TTK: variants seen among roughly 807,000 people sequenced by gnomAD.
TTK encodes dual specificity protein kinase TTK.
TTK carries 59 observed loss-of-function variants against 117.3 expected under a neutral mutation model. The observed-to-expected ratio is 0.50, with a 90% CI of 0.41 to 0.62. TTK has a LOEUF of 0.62. Among genes scored for constraint, TTK ranks in the 20% least tolerant of loss-of-function variants. TTK has a pLI of 0.00. For synonymous variants in TTK, 302 were observed against 325.0 expected (o/e 0.93, Z 0.76); for missense variants, 921 against 989.4 (o/e 0.93, Z 0.93).
chr6:80,034,536 G>A (rs991567354), intron 14 of TTK, among the ~76,000 whole-genome samples: 4 of 151,986 alleles, frequency 2.6e-5, no homozygotes, highest in African/African-American at 7.3e-5. Context: ...CTATTTTGCC[G>A]AGGCTGGACT....
rs1767643854 is a variant in TTK, at chr6:80,027,779, T to C, written c.1395-106T>C. The stretch of plus-strand genomic sequence containing the variant: ...CATGAAAACTAACTTGGGTTCTGTT[T>C]GATGTAACACTTTTAAGTTTATATC... On this transcript the variant is annotated intron_variant, in intron 12 of 21. Coordinates refer to ENST00000369798, the MANE Select transcript of TTK (RefSeq NM_003318.5). 15 of 802,724 alleles carry C rather than the reference T, an allele frequency of 1.9e-5. 1 individual carries two copies. In the South Asian group the frequency reaches 5.1e-4, roughly 27 times the overall value. The allele number at this position is 802,724 out of a possible 1,614,324, so 49.7% of individuals were successfully genotyped here.
chr6:80,040,460 TA>T (rs1358633522), intron 20 of TTK, 145 bp from the exon 21 acceptor site: 1 of 865,142 alleles, frequency 1.2e-6, no homozygotes, highest in African/African-American at 1.8e-5. Flanking sequence ...TTACTTCTGG[TA>T]TTTATTTTTA....
At chr6:80,023,979 G>A (rs1175605585) in intron 11 of TTK, among the ~76,000 whole-genome samples, 2 of 151,974 alleles carry the variant, frequency 1.3e-5, no homozygotes, top group Non-Finnish European at 2.9e-5. Context: ...TTTTCTATTT[G>A]AAAATTGTAC....
chr6:80,032,803 T>C (rs1767794296), intron 14 of TTK, among the ~76,000 whole-genome samples: 1 of 152,228 alleles, frequency 6.6e-6, no homozygotes, highest in South Asian at 2.1e-4. Flanking sequence ...AATAGCCTCC[T>C]AAAGGAATTC....
Position 80,014,576 on chromosome 6 carries a change from T to C in TTK, c.1098T>C (p.Ala366=), listed in dbSNP as rs368239584. The C allele has an allele frequency of 6.3e-7, 1 of 1,595,776 alleles. No homozygotes were observed. The highest frequency in any genetic ancestry group is 8.5e-7 in the Non-Finnish European group (1 of 1,172,032). The part of the protein sequence containing the change: ...LKNKTESSLL[A]KLEETKEYQE... ...ATAAAACGGAATCAAGTCTTCTAGCTAAATTAGAAGGTAAGAGTAACAAAA... is the reference window on the plus strand; with the variant it reads ...ATAAAACGGAATCAAGTCTTCTAGCCAAATTAGAAGGTAAGAGTAACAAAA... Residue 366 remains alanine (A), a synonymous_variant, in exon 10 of 22, where the codon GCT becomes GCC. Coordinates refer to ENST00000369798, the MANE Select transcript of TTK (RefSeq NM_003318.5).
chr6:80,008,104 A>G, intron 3 of TTK, 73 bp downstream of exon 3: 3 of 1,483,510 alleles, frequency 2.0e-6, no homozygotes, highest in South Asian at 2.6e-5. Context: ...AGAGAAAATA[A>G]AAAACATGGC....
At chr6:80,033,721 G>A (rs1258343796) in intron 14 of TTK, among the ~76,000 whole-genome samples, 2 of 151,948 alleles carry the variant, frequency 1.3e-5, no homozygotes, top group African/African-American at 4.8e-5. Context: ...AATTGCATAA[G>A]GCTGTCTTAT....
At chr6:80,033,598 C>T (rs781011699) in intron 14 of TTK, among the ~76,000 whole-genome samples, 3 of 152,188 alleles carry the variant, frequency 2.0e-5, no homozygotes, top group Non-Finnish European at 2.9e-5. Context: ...AGTAAACTGT[C>T]TGTCCTCAGC....
At chr6:80,036,142 G>A (rs1379795029) in intron 16 of TTK, among the ~76,000 whole-genome samples, 1 of 151,964 alleles carries the variant, frequency 6.6e-6, no homozygotes, top group African/African-American at 2.4e-5. Context: ...AGACTGTCTG[G>A]CTTCAATTCT....
intron 9 of TTK, 50 bp downstream of exon 9, chr6:80,013,416 G>T (rs768298947): frequency 7.0e-7 from 1 of 1,432,764 alleles, no homozygotes; most frequent in Non-Finnish European, 9.6e-7. Context: ...TGATCTGGGA[G>T]GATCAGTATT....
intron 3 of TTK, 88 bp from the exon 4 acceptor site, chr6:80,008,298 A>ATT: frequency 7.6e-7 from 1 of 1,317,032 alleles, no homozygotes; most frequent in Non-Finnish European, 1.1e-6. Flanking sequence ...GCAATATCCC[A>ATT]TGTTTTTTGG....
At chr6:80,016,208 T>C (rs1483385988) in intron 10 of TTK, among the ~76,000 whole-genome samples, 1 of 152,240 alleles carries the variant, frequency 6.6e-6, no homozygotes, top group Non-Finnish European at 1.5e-5. Flanking sequence ...GATTCACATA[T>C]GTACAAATTT....
At chr6:80,005,392 G>T (rs762462576) in intron 1 of TTK, among the ~76,000 whole-genome samples, 1 of 152,202 alleles carries the variant, frequency 6.6e-6, no homozygotes, top group African/African-American at 2.4e-5. Flanking sequence ...TTTATATTCT[G>T]CTTTGAAAGC....
At chr6:80,040,156 C>T in intron 19 of TTK, 40 bp from the exon 20 acceptor site, 14 of 1,454,738 alleles carry the variant, frequency 9.6e-6, no homozygotes, top group Non-Finnish European at 1.3e-5. Context: ...TATATGAAAA[C>T]CTGCTTTGTT....
In TTK at chr6:80,038,348, T is replaced by C. The variant is rs181067180; in HGVS notation, c.2130+301T>C. On this transcript the variant is annotated intron_variant, in intron 18 of 21. Coordinates refer to ENST00000369798, the MANE Select transcript of TTK (RefSeq NM_003318.5). ...TTTGCGTTAGCCTCATGGGTGCCCT[T>C]TGTCCGGGGCTCCTTTTGCCTACCT... Among the ~76,000 whole-genome samples the C allele has an allele frequency of 5.3e-5, 8 of 152,266 alleles. No homozygotes were observed. In the East Asian group the frequency reaches 1.5e-3, roughly 29 times the overall value.
At chr6:80,017,145 C>G (rs746748052) in intron 10 of TTK, among the ~76,000 whole-genome samples, 1 of 152,088 alleles carries the variant, frequency 6.6e-6, no homozygotes, top group Non-Finnish European at 1.5e-5. Context: ...ATTATTTTTC[C>G]CCATAATGGA....
intron 1 of TTK, among the ~76,000 whole-genome samples, chr6:80,005,541 CAA>C (rs1347946503): frequency 2.6e-5 from 4 of 150,958 alleles, no homozygotes; most frequent in Non-Finnish European, 1.5e-5. Flanking sequence ...AAAATCCAAG[CAA>C]ACACTCTATC....
chr6:80,019,707 CATTG>C (rs1767407401), intron 10 of TTK, among the ~76,000 whole-genome samples: 3 of 152,130 alleles, frequency 2.0e-5, no homozygotes. Context: ...GAGCTGTTTT[CATTG>C]AACCACCAAT....
In TTK at chr6:80,036,610, A is replaced by T. The variant is rs1391053599; in HGVS notation, c.2049+11A>T. 6.2e-7 allele frequency: 1 copy of T among 1,602,260 alleles called. No homozygotes were observed. Among genetic ancestry groups the T allele is most frequent in the Admixed American group, 1.7e-5 (1 of 57,822 alleles). On this transcript the variant is annotated intron_variant, in intron 17 of 21. Coordinates refer to ENST00000369798, the MANE Select transcript of TTK (RefSeq NM_003318.5). ...GTTAAAGATTCTCAGGTAAGACTTA[A>T]TGTTGGTTCTCTCACAGTAGAGTTC...
Sources: allele counts gnomAD v4.1 joint callset (sites outside exome capture counted in the v4.1 genomes callset), GRCh38; gene constraint gnomAD v4.1.1; transcripts MANE v1.5; gene names NCBI Gene and HGNC (gene_info 2026-07-23, HGNC 2026-07-21).